Variants in VTI1A observed in about 807,000 individuals in gnomAD.
VTI1A encodes the protein vesicle transport through interaction with t-SNAREs homolog 1A.
Under a neutral mutation model 34.9 loss-of-function variants are expected in VTI1A, and 22 were observed. That is an observed-to-expected ratio of 0.63 (90% CI 0.45 to 0.90). VTI1A has a LOEUF of 0.90. Among genes scored for constraint, VTI1A ranks in the 40% least tolerant of loss-of-function variants. The pLI is 0.00. For missense variants in VTI1A, 268 were observed against 275.6 expected, an observed-to-expected ratio of 0.97 and a Z score of 0.20; for synonymous variants, 87 against 97.3, an observed-to-expected ratio of 0.89 and a Z score of 0.62.
chr10:112,656,191 G>A (rs1847222514), intron 5 of VTI1A, among the ~76,000 whole-genome samples: 1 of 152,106 alleles, frequency 6.6e-6, no homozygotes, highest in African/African-American at 2.4e-5. Flanking sequence ...CGAGGAGAGG[G>A]TTTGTTGCAA....
chr10:112,529,955 A>G (rs541768918), intron 4 of VTI1A, among the ~76,000 whole-genome samples: 47 of 152,248 alleles, frequency 3.1e-4, no homozygotes, highest in African/African-American at 1.1e-3. Flanking sequence ...ACTGTAATAC[A>G]TATAATTATA....
intron 7 of VTI1A, among the ~76,000 whole-genome samples, chr10:112,766,197 G>A (rs947086257): frequency 6.6e-6 from 1 of 152,146 alleles, no homozygotes; most frequent in Non-Finnish European, 1.5e-5. Context: ...GGAGACATTA[G>A]GCAATAAAGA....
chr10:112,734,076 G>A lies in VTI1A; in HGVS notation c.560+65078G>A, dbSNP rs569085440. Among the ~76,000 whole-genome samples, 4 of 152,126 alleles carry A rather than the reference G, an allele frequency of 2.6e-5. No homozygotes were observed. In the South Asian group the frequency reaches 8.3e-4, roughly 32 times the overall value. ...CTTCATTTACATTCTTACTGCTCCT[G>A]CCCCTTTCAAATGCTATTCCTTCCC... On this transcript the variant is annotated intron_variant, in intron 7 of 7. Transcript: ENST00000393077.
the VTI1A span, chr10:112,826,998 G>T: frequency 6.6e-6 from 1 of 152,158 alleles, no homozygotes. Context: ...GTCATTTCAG[G>T]ATCAGGAAAA....
At chr10:112,722,053 C>T (rs1411245698) in intron 7 of VTI1A, among the ~76,000 whole-genome samples, 1 of 152,076 alleles carries the variant, frequency 6.6e-6, no homozygotes, top group Non-Finnish European at 1.5e-5. Context: ...TCCTCTGTAT[C>T]CTTATTGAGG....
At chr10:112,763,785 A>G (rs553926125) in intron 7 of VTI1A, among the ~76,000 whole-genome samples, 1 of 152,254 alleles carries the variant, frequency 6.6e-6, no homozygotes, top group African/African-American at 2.4e-5. Context: ...CATCGAGGTC[A>G]TTGAGTTTCT....
intron 5 of VTI1A, among the ~76,000 whole-genome samples, chr10:112,624,894 C>T (rs1013398551): frequency 2.0e-5 from 3 of 151,946 alleles, no homozygotes; most frequent in East Asian, 3.9e-4. Flanking sequence ...GCTGGGAGTT[C>T]GAGACCAGCC....
chr10:112,452,711 A>G (rs1363331183), intron 1 of VTI1A, among the ~76,000 whole-genome samples: 1 of 151,718 alleles, frequency 6.6e-6, no homozygotes, highest in East Asian at 1.9e-4. Flanking sequence ...TAGTCAACCT[A>G]AGTAATGGCT....
chr10:112,698,684 C>G (rs1299414361), intron 7 of VTI1A, among the ~76,000 whole-genome samples: 1 of 152,232 alleles, frequency 6.6e-6, no homozygotes, highest in Non-Finnish European at 1.5e-5. Flanking sequence ...CGTGTTTGAA[C>G]TGATGTTTTA....
chr10:112,822,401 C>G (rs561822063), downstream of VTI1A, among the ~76,000 whole-genome samples: 4 of 152,122 alleles, frequency 2.6e-5, no homozygotes, highest in Admixed American at 6.5e-5. Context: ...TGAGAAGGAT[C>G]GAGAAAGAGC....
intron 3 of VTI1A, among the ~76,000 whole-genome samples, chr10:112,469,376 A>G (rs1275123339): frequency 6.6e-6 from 1 of 152,156 alleles, no homozygotes; most frequent in Non-Finnish European, 1.5e-5. Flanking sequence ...TTCATGTACT[A>G]TGGCTCCTTG....
chr10:112,618,524 T>TATATATAGAGAG (rs748276058), intron 5 of VTI1A, among the ~76,000 whole-genome samples: 25 of 34,572 alleles, frequency 7.2e-4, no homozygotes, highest in South Asian at 1.6e-3. Context: ...TATATATATA[T>TATATATAGAGAG]AGAGAGAGAG....
At chr10:112,553,062 A>C (rs765909568) in intron 5 of VTI1A, among the ~76,000 whole-genome samples, 6 of 152,344 alleles carry the variant, frequency 3.9e-5, no homozygotes, top group Non-Finnish European at 7.3e-5. Context: ...CACCCCTTGT[A>C]AATTGGGACT....
chr10:112,520,072 A>T (rs577307956), intron 3 of VTI1A, among the ~76,000 whole-genome samples: 2 of 152,218 alleles, frequency 1.3e-5, no homozygotes, highest in African/African-American at 4.8e-5. Context: ...TAGTGTATTT[A>T]TAAATCATTA....
intron 7 of VTI1A, among the ~76,000 whole-genome samples, chr10:112,683,207 C>G (rs1848280738): frequency 6.6e-6 from 1 of 152,176 alleles, no homozygotes; most frequent in East Asian, 1.9e-4. Context: ...GTCTTTCCTT[C>G]TGTTATTCAT....
chr10:112,803,390 G>A (rs1852945993), intron 7 of VTI1A, among the ~76,000 whole-genome samples: 1 of 152,224 alleles, frequency 6.6e-6, no homozygotes, highest in South Asian at 2.1e-4. Flanking sequence ...TTAGAGAGAA[G>A]TGAGTTTGGG....
At chr10:112,654,262 A>G (rs1847143767) in intron 5 of VTI1A, among the ~76,000 whole-genome samples, 1 of 152,196 alleles carries the variant, frequency 6.6e-6, no homozygotes, top group Non-Finnish European at 1.5e-5. Context: ...CCATCTAATA[A>G]GCAAGATTAT....
chr10:112,579,980 T>A (rs535973012), intron 5 of VTI1A, among the ~76,000 whole-genome samples: 2 of 152,306 alleles, frequency 1.3e-5, no homozygotes, highest in East Asian at 3.9e-4. Context: ...ATCCTAGAAT[T>A]TTCTTTTTAA....
intron 3 of VTI1A, among the ~76,000 whole-genome samples, chr10:112,472,964 TGAA>T (rs967639543): frequency 1.3e-4 from 17 of 130,330 alleles, no homozygotes; most frequent in African/African-American, 4.5e-4. Context: ...ATTCTGAAAA[TGAA>T]GAAGAGTAAA....
Sources: gnomAD v4.1 joint callset for allele counts (sites outside exome capture counted in the v4.1 genomes callset) on GRCh38, gnomAD v4.1.1 for gene constraint, MANE v1.5 for transcripts, NCBI Gene and HGNC (gene_info 2026-07-23, HGNC 2026-07-21) for gene names.